EIF3E: variants seen among roughly 807,000 people sequenced by gnomAD.
EIF3E encodes the protein eIF-3 p48.
EIF3E carries 25 observed loss-of-function variants against 59.3 expected under a neutral mutation model. That is an observed-to-expected ratio of 0.42 (90% CI 0.31 to 0.59). The LOEUF is 0.59. Among genes scored for constraint, EIF3E ranks in the 20% least tolerant of loss-of-function variants. EIF3E has a pLI of 0.15. For synonymous variants in EIF3E, 176 were observed against 170.2 expected (o/e 1.03, Z -0.26); for missense variants, 317 against 534.3 (o/e 0.59, Z 4.01).
At chr8:108,232,451 G>T (rs147628597) in intron 5 of EIF3E, among the ~76,000 whole-genome samples, 3 of 151,984 alleles carry the variant, frequency 2.0e-5, no homozygotes, top group African/African-American at 7.2e-5. Context: ...ATTTGTTAGG[G>T]GCAATGCAAA....
chr8:108,244,803 C>T (rs1815914651), intron 1 of EIF3E, among the ~76,000 whole-genome samples: 1 of 151,936 alleles, frequency 6.6e-6, no homozygotes, highest in South Asian at 2.1e-4. Context: ...ATCACTAACT[C>T]TGGAAAAAAA....
intron 1 of EIF3E, among the ~76,000 whole-genome samples, chr8:108,243,638 GAAAA>G (rs779684560): frequency 4.2e-5 from 3 of 70,978 alleles, no homozygotes; most frequent in Non-Finnish European, 5.6e-5. Flanking sequence ...CAAAAAAAAA[GAAAA>G]AAAAAAAAAA....
At chr8:108,216,184 T>C (rs1374143111) in intron 9 of EIF3E, among the ~76,000 whole-genome samples, 1 of 152,150 alleles carries the variant, frequency 6.6e-6, no homozygotes, top group Admixed American at 6.5e-5. Context: ...GGCAACAACA[T>C]TAAAAAAGTC....
intron 1 of EIF3E, 143 bp downstream of exon 1, chr8:108,248,470 C>G: frequency 6.8e-6 from 5 of 736,294 alleles, no homozygotes; most frequent in Admixed American, 4.8e-5. Flanking sequence ...GCTAAACTAC[C>G]AGAAGATCCT....
At chr8:108,246,567 C>T (rs1179721603) in intron 1 of EIF3E, among the ~76,000 whole-genome samples, 1 of 152,116 alleles carries the variant, frequency 6.6e-6, no homozygotes, top group African/African-American at 2.4e-5. Flanking sequence ...ACAATTAACC[C>T]TTGGACGACA....
rs181102114 is a variant in EIF3E at position 108,232,277 on chromosome 8, T to C, written c.471+2721A>G. 1.8e-4 allele frequency among the ~76,000 whole-genome samples: 27 copies of C among 152,276 alleles called. No individual in the cohort carries two copies. In the East Asian group the frequency reaches 4.2e-3, roughly 24 times the overall value. On this transcript the variant is annotated intron_variant, in intron 5 of 12. Transcript: ENST00000220849. The stretch of plus-strand genomic sequence containing the variant: ...CAAACTCTCGCCTAACACAAATGTT[T>C]TGTGGCTCAGACAGGACAAAAATTT...
chr8:108,222,208 A>G (rs906020096), intron 7 of EIF3E, among the ~76,000 whole-genome samples: 2 of 152,076 alleles, frequency 1.3e-5, no homozygotes, highest in East Asian at 3.9e-4. Context: ...ATGCCCAGCT[A>G]ATTTCTAAAA....
Position 108,248,531 on chromosome 8 carries a change from T to C in EIF3E, c.90+82A>G, listed in dbSNP as rs1054878462. 1.1e-5 allele frequency: 16 copies of C among 1,413,430 alleles called. No individual in the cohort carries two copies. The Admixed American group carries it at 1.8e-4, about 16-fold the overall frequency. 87.6% of individuals were successfully genotyped at this position (1,413,430 alleles called of 1,614,324 possible). ...GCGACCGCCTCGCACGTGTCAGGCC[T>C]AGGACTACAGACACCACCTTTCGGC... On this transcript the variant is annotated intron_variant, in intron 1 of 12. Transcript: ENST00000220849.
chr8:108,239,542 T>C (rs1335165244), intron 3 of EIF3E, among the ~76,000 whole-genome samples: 1 of 134,510 alleles, frequency 7.4e-6, no homozygotes, highest in Non-Finnish European at 1.6e-5. Flanking sequence ...GATAATTCTT[T>C]GTTGGGGAGT....
intron 1 of EIF3E, chr8:108,242,849 C>T: frequency 5.1e-6 from 1 of 195,914 alleles, no homozygotes; most frequent in Admixed American, 6.1e-5. Flanking sequence ...CAATAAAAAC[C>T]TAAAAAATCC....
intron 7 of EIF3E, chr8:108,227,455 T>C (rs983215695): frequency 2.6e-5 from 4 of 152,180 alleles, no homozygotes; most frequent in Non-Finnish European, 4.4e-5. Context: ...ACAAGTAACA[T>C]GAGCTAATAT....
intron 1 of EIF3E, among the ~76,000 whole-genome samples, chr8:108,247,792 C>G (rs149843561): frequency 3.9e-5 from 6 of 152,278 alleles, no homozygotes; most frequent in African/African-American, 1.4e-4. Flanking sequence ...TAAAATGCAT[C>G]AATTTCCCAA....
chr8:108,216,681 C>CT (rs1025059776), intron 8 of EIF3E, among the ~76,000 whole-genome samples, 168 bp from the exon 9 acceptor site: 7 of 152,106 alleles, frequency 4.6e-5, no homozygotes, highest in Admixed American at 3.3e-4. Flanking sequence ...CAGACCACAC[C>CT]TTAAGCTTAT....
chr8:108,217,524 C>T (rs1190311407), intron 7 of EIF3E, 64 bp from the exon 8 acceptor site: 2 of 1,393,324 alleles, frequency 1.4e-6, no homozygotes, highest in Admixed American at 4.2e-5. Flanking sequence ...AACTCTCGAG[C>T]AGGTCATTAG....
chr8:108,203,247 G>GA (rs1815029590), intron 11 of EIF3E, 130 bp from the exon 12 acceptor site: 44 of 1,310,092 alleles, frequency 3.4e-5, no homozygotes, highest in Non-Finnish European at 3.9e-5. Context: ...TACCAAGGAA[G>GA]AAAAAAAATA....
chr8:108,227,384 C>T (rs1477867126), intron 7 of EIF3E: 2 of 152,046 alleles, frequency 1.3e-5, no homozygotes, highest in Admixed American at 6.6e-5. Flanking sequence ...ATAACTCATA[C>T]CATGAAGCAA....
At chr8:108,224,251 A>G (rs1286818709) in intron 7 of EIF3E, among the ~76,000 whole-genome samples, 2 of 151,528 alleles carry the variant, frequency 1.3e-5, no homozygotes, top group Non-Finnish European at 2.9e-5. Context: ...TAATTTTTAA[A>G]AATATGCAAT....
chr8:108,203,246 AG>A (rs759972588), intron 11 of EIF3E, 129 bp from the exon 12 acceptor site: 130 of 1,327,280 alleles, frequency 9.8e-5, no homozygotes, highest in Non-Finnish European at 1.2e-4. Flanking sequence ...TTACCAAGGA[AG>A]AAAAAAAATA....
intron 3 of EIF3E, among the ~76,000 whole-genome samples, chr8:108,236,958 G>A (rs1815743874): frequency 6.6e-6 from 1 of 151,960 alleles, no homozygotes; most frequent in Non-Finnish European, 1.5e-5. Context: ...GGAGGTGGAG[G>A]TTGCAGTGAA....
Sources: allele counts gnomAD v4.1 joint callset (sites outside exome capture counted in the v4.1 genomes callset), GRCh38; gene constraint gnomAD v4.1.1; transcripts MANE v1.5; gene names NCBI Gene and HGNC (gene_info 2026-07-23, HGNC 2026-07-21).